The following UGT2B10 variants were observed in gnomAD, a reference collection of about 807,000 sequenced individuals.
UGT2B10 encodes the protein UDP glucuronosyltransferase family 2 member B10, also known as UDP-glucuronosyltransferase 2B10.
A neutral mutation model predicts 43.7 loss-of-function variants in UGT2B10; 51 were observed. The ratio of observed to expected loss-of-function variants is 1.17; its 90% CI spans 0.93 to 1.47. The LOEUF (loss-of-function observed/expected upper bound fraction) is 1.47. UGT2B10 is among the 40% of genes most tolerant of loss of function. The probability of loss-of-function intolerance (pLI) is 0.00; values close to 1 mark genes in which losing one functional copy is unlikely to be tolerated. For missense variants in UGT2B10, 696 were observed against 617.7 expected (o/e 1.13, Z -1.34); for synonymous variants, 225 against 209.0 (o/e 1.08, Z -0.66).
intron 2 of UGT2B10, among the ~76,000 whole-genome samples, chr4:68,821,670 T>G (rs994508861): frequency 1.3e-5 from 2 of 152,174 alleles, no homozygotes; most frequent in African/African-American, 4.8e-5. Context: ...TATTTTTTAT[T>G]TTATTTTTTG....
chr4:68,823,333 CT>C (rs1265610123), intron 3 of UGT2B10, among the ~76,000 whole-genome samples: 1 of 151,892 alleles, frequency 6.6e-6, no homozygotes, highest in Non-Finnish European at 1.5e-5. Flanking sequence ...TGGTGAAACC[CT>C]GTCTCTACTA....
At position 68,822,388 on chromosome 4, in the gene UGT2B10, A is replaced by G. The variant is rs1315031783; in HGVS notation, c.985A>G (p.Lys329Glu). The change falls in exon 3 of 6, where the codon AAG becomes GAG. Residue 329 changes from lysine (K) to glutamate (E), a missense_variant. Coordinates refer to ENST00000265403, the MANE Select transcript of UGT2B10 (RefSeq NM_001075.6). Reference sequence around the variant, plus strand: ...CAACGTAATTGCAACAGCCCTTGCCAAGATCCCACAAAAGGTAAGATAAAG... The same window carrying G: ...CAACGTAATTGCAACAGCCCTTGCCGAGATCCCACAAAAGGTAAGATAAAG... Reference protein sequence around the residue: ...RANVIATALAKIPQKVLWRFD... With the variant: ...RANVIATALAEIPQKVLWRFD... 6.2e-7 allele frequency: 1 copy of G among 1,613,692 alleles called. No homozygotes were observed. The highest frequency in any genetic ancestry group is 2.2e-5 in the East Asian group (1 of 44,824).
At chr4:68,826,616 A>G (rs1251527140) in intron 4 of UGT2B10, 119 bp downstream of exon 4, 70 of 1,256,994 alleles carry the variant, frequency 5.6e-5, no homozygotes, top group Non-Finnish European at 6.8e-5. Context: ...GAACTTCTTT[A>G]TATTTATTTT....
Position 68,816,653 on chromosome 4 carries a change from A to T in UGT2B10, c.634A>T (p.Asn212Tyr). The T allele has an allele frequency of 1.9e-6, 3 of 1,612,752 alleles. No individual in the cohort carries two copies. Among genetic ancestry groups the T allele is most frequent in the Non-Finnish European group, 1.7e-6 (2 of 1,179,154 alleles). ...DQMTFMERVK[N>Y]MLYVLYFDFW... ...AATGACTTTCATGGAGAGGGTAAAAAATATGCTCTATGTGCTTTATTTTGA... is the reference window on the plus strand; with the variant it reads ...AATGACTTTCATGGAGAGGGTAAAATATATGCTCTATGTGCTTTATTTTGA... Residue 212 changes from asparagine (N) to tyrosine (Y), a missense_variant, in exon 1 of 6, where the codon AAT becomes TAT. Transcript: ENST00000265403.
intron 3 of UGT2B10, among the ~76,000 whole-genome samples, chr4:68,825,756 T>A (rs553022159): frequency 5.3e-5 from 8 of 152,178 alleles, no homozygotes; most frequent in Non-Finnish European, 8.8e-5. Context: ...TCATTTAGGT[T>A]GATTTCATGT....
At chr4:68,827,804 A>G (rs1276762667) in intron 5 of UGT2B10, among the ~76,000 whole-genome samples, 1 of 152,004 alleles carries the variant, frequency 6.6e-6, no homozygotes, top group Non-Finnish European at 1.5e-5. Flanking sequence ...TAATATAAAA[A>G]AATACATTTC....
intron 5 of UGT2B10, among the ~76,000 whole-genome samples, chr4:68,828,514 C>T (rs1165544376): frequency 1.3e-5 from 2 of 151,634 alleles, no homozygotes; most frequent in Non-Finnish European, 2.9e-5. Context: ...AATAGAAACA[C>T]AAACCAACTT....
intron 3 of UGT2B10, among the ~76,000 whole-genome samples, chr4:68,825,807 C>T (rs946872435): frequency 5.3e-5 from 8 of 152,056 alleles, no homozygotes; most frequent in African/African-American, 1.9e-4. Flanking sequence ...CATATAGTTT[C>T]ATGGATCTTT....
intron 2 of UGT2B10, among the ~76,000 whole-genome samples, chr4:68,819,920 T>C (rs1260087182): frequency 6.6e-6 from 1 of 152,082 alleles, no homozygotes; most frequent in African/African-American, 2.4e-5. Context: ...TAAAAGATCA[T>C]TTTTGCTTGC....
intron 5 of UGT2B10, 50 bp downstream of exon 5, chr4:68,827,598 T>C (rs113865151): frequency 5.4e-5 from 86 of 1,605,494 alleles, no homozygotes; most frequent in Non-Finnish European, 7.2e-5. Flanking sequence ...ATAGCTTTTC[T>C]TGTCAGTAGT....
rs1213944200 is a variant in UGT2B10, at chr4:68,822,401, A to C, written c.998A>C (p.Lys333Thr). 3 of 1,613,428 alleles carry C rather than the reference A, an allele frequency of 1.9e-6. No individual in the cohort carries two copies. The East Asian group carries it at 6.7e-5, about 36-fold the overall frequency. ...IATALAKIPQ[K>T]VLWRFDGNKP... ...ACAGCCCTTGCCAAGATCCCACAAA[A>C]GGTAAGATAAAGTGCCTTACTGGTG... Residue 333 changes from lysine to threonine, a missense_variant and splice_region_variant, in exon 3 of 6, where the codon AAG becomes ACG. Coordinates refer to ENST00000265403, the MANE Select transcript of UGT2B10 (RefSeq NM_001075.6).
chr4:68,822,380 C>A lies in UGT2B10; in HGVS notation c.977C>A (p.Ala326Asp). 6.2e-7 allele frequency: 1 copy of A among 1,613,636 alleles called. No homozygotes were observed. The change falls in exon 3 of 6, where the codon GCC becomes GAC. Residue 326 changes from alanine (A) to aspartate (D), a missense_variant. Physicochemically the swap from Ala to Asp is moderately radical, Grantham distance 126. Transcript: ENST00000265403. ...TEERANVIAT[A>D]LAKIPQKVLW... ...GAAAGGGCCAACGTAATTGCAACAG[C>A]CCTTGCCAAGATCCCACAAAAGGTA...
intron 2 of UGT2B10, among the ~76,000 whole-genome samples, chr4:68,821,958 AG>A (rs34291505): frequency 0.57 from 85,789 of 151,830 alleles, 28,234 homozygotes; most frequent in South Asian, 0.79. Flanking sequence ...ATAAGTGAAG[AG>A]TCTGGGTATA....
At chr4:68,826,991 C>T (rs1426006101) in intron 4 of UGT2B10, among the ~76,000 whole-genome samples, 1 of 152,008 alleles carries the variant, frequency 6.6e-6, no homozygotes, top group African/African-American at 2.4e-5. Flanking sequence ...CCTTGCACAC[C>T]CCACATATCA....
rs750605168 is a variant in UGT2B10, at chr4:68,827,448, G to T, written c.1207G>T (p.Ala403Ser). The change falls in exon 5 of 6, where the codon GCT becomes TCT. Residue 403 changes from alanine to serine, a missense_variant. Transcript: ENST00000265403. ...GTTTTTTGATCAACCTGATAATATT[G>T]CTCACATGAAGGCCAAGGGAGCAGC... ...PLFFDQPDNI[A>S]HMKAKGAAVR... is the part of the protein sequence containing the mutation. 19 of 1,613,372 alleles carry T rather than the reference G, an allele frequency of 1.2e-5. No homozygotes were observed. The highest frequency in any genetic ancestry group is 1.4e-5 in the Non-Finnish European group (16 of 1,179,638).
At chr4:68,827,896 C>A (rs965266194) in intron 5 of UGT2B10, among the ~76,000 whole-genome samples, 1 of 151,362 alleles carries the variant, frequency 6.6e-6, no homozygotes, top group South Asian at 2.1e-4. Flanking sequence ...AATTAAATAT[C>A]TAAAATGTCT....
intron 5 of UGT2B10, among the ~76,000 whole-genome samples, chr4:68,828,464 G>A (rs114543962): frequency 0.02 from 3,076 of 151,802 alleles, 118 homozygotes; most frequent in African/African-American, 0.07. Context: ...GAAGGATAAA[G>A]AATGATCAAA....
chr4:68,822,293 G>A lies in UGT2B10; in HGVS notation c.890G>A (p.Ser297Asn), dbSNP rs188415221. 159 of 1,612,846 alleles carry A rather than the reference G, an allele frequency of 9.9e-5. No homozygotes were observed. The African/African-American group carries it at 1.9e-3, about 20-fold the overall frequency. Residue 297 changes from serine to asparagine, a missense_variant, in exon 3 of 6, where the codon AGC becomes AAC. By Grantham distance (46) the Ser-to-Asn change is conservative (BLOSUM62 1). Coordinates refer to ENST00000265403, the MANE Select transcript of UGT2B10 (RefSeq NM_001075.6). ...LPKEMEEFVQ[S>N]SGENGVVVFS... is the part of the protein sequence containing the mutation. The stretch of plus-strand genomic sequence containing the variant: ...CAGGAAATGGAGGAGTTTGTACAGA[G>A]CTCTGGAGAAAATGGTGTTGTGGTG...
intron 2 of UGT2B10, among the ~76,000 whole-genome samples, chr4:68,818,517 G>A (rs867051089): frequency 6.6e-6 from 1 of 151,016 alleles, no homozygotes; most frequent in Non-Finnish European, 1.5e-5. Context: ...AATTTTCAGA[G>A]AAAAAAAATA....
Sources: allele counts gnomAD v4.1 joint callset (sites outside exome capture counted in the v4.1 genomes callset), GRCh38; gene constraint gnomAD v4.1.1; transcripts MANE v1.5; gene names NCBI Gene and HGNC (gene_info 2026-07-23, HGNC 2026-07-21).